EYA1: variants seen among roughly 807,000 people sequenced by gnomAD.
EYA1 encodes the protein protein phosphatase EYA1.
In EYA1, 16 loss-of-function variants were observed where a neutral mutation model predicts 82.0. The observed-to-expected ratio is 0.20, with a 90% CI of 0.13 to 0.30. EYA1 has a LOEUF of 0.30. EYA1 is among the 10% of genes least tolerant of loss of function. The pLI is 1.00. For synonymous variants in EYA1, 261 were observed against 264.4 expected, an observed-to-expected ratio of 0.99 and a Z score of 0.12; for missense variants, 633 against 730.7, an observed-to-expected ratio of 0.87 and a Z score of 1.54.
intron 7 of EYA1, among the ~76,000 whole-genome samples, chr8:71,303,315 TACACAC>T (rs58345968): frequency 2.3e-5 from 3 of 131,982 alleles, no homozygotes; most frequent in Admixed American, 1.5e-4. Context: ...ACATTTGATA[TACACAC>T]ACACACACAC....
At chr8:71,329,253 TA>T (rs1267410187) in intron 4 of EYA1, among the ~76,000 whole-genome samples, 1 of 152,212 alleles carries the variant, frequency 6.6e-6, no homozygotes, top group Non-Finnish European at 1.5e-5. Flanking sequence ...CTCACGGTAT[TA>T]GCCCCTACCT....
chr8:71,457,946 C>T (rs1808078094), intron 2 of EYA1, among the ~76,000 whole-genome samples: 1 of 152,116 alleles, frequency 6.6e-6, no homozygotes, highest in Non-Finnish European at 1.5e-5. Context: ...TTGAGTTTGA[C>T]TCACCTTACA....
chr8:71,199,926 C>A (rs1452180312), intron 17 of EYA1: 1 of 159,514 alleles, frequency 6.3e-6, no homozygotes, highest in African/African-American at 2.4e-5. Flanking sequence ...ATGGCTTTAC[C>A]ATATGGAAAA....
At chr8:71,299,744 CG>C (rs1563423820) in intron 7 of EYA1, 24 bp from the exon 8 acceptor site, 1 of 1,187,650 alleles carries the variant, frequency 8.4e-7, no homozygotes, top group Admixed American at 1.7e-5. Context: ...AAAAGAAATA[CG>C]ATTATACCAG....
intron 2 of EYA1, among the ~76,000 whole-genome samples, chr8:71,470,178 C>T (rs1809077649): frequency 6.6e-6 from 1 of 152,004 alleles, no homozygotes. Flanking sequence ...TGAGAGTCTT[C>T]CTGAAGATGG....
At chr8:71,403,594 T>C (rs1384771541) in intron 2 of EYA1, 3 of 152,150 alleles carry the variant, frequency 2.0e-5, no homozygotes, top group African/African-American at 4.8e-5. Context: ...ACTGCAAAAA[T>C]GGGATCTACT....
At chr8:71,276,330 T>A (rs973090052) in intron 9 of EYA1, among the ~76,000 whole-genome samples, 2 of 152,138 alleles carry the variant, frequency 1.3e-5, no homozygotes, top group Non-Finnish European at 2.9e-5. Flanking sequence ...TAGTGCTTGG[T>A]AATATTTGTA....
intron 2 of EYA1, among the ~76,000 whole-genome samples, chr8:71,451,721 T>C (rs911964238): frequency 3.3e-5 from 5 of 152,234 alleles, no homozygotes; most frequent in African/African-American, 4.8e-5. Context: ...TTCTGATTTA[T>C]GAAATTTTTA....
intron 2 of EYA1, among the ~76,000 whole-genome samples, chr8:71,469,932 C>T (rs1320748849): frequency 6.6e-6 from 1 of 152,018 alleles, no homozygotes; most frequent in Non-Finnish European, 1.5e-5. Flanking sequence ...AAGTGAGGGT[C>T]CCTGAATTGC....
chr8:71,507,734 C>T (rs550708190), intron 2 of EYA1, among the ~76,000 whole-genome samples: 6 of 152,228 alleles, frequency 3.9e-5, no homozygotes, highest in South Asian at 2.1e-4. Flanking sequence ...ATACAGCAAA[C>T]GCAAAAGCAA....
intron 2 of EYA1, among the ~76,000 whole-genome samples, chr8:71,378,456 A>G (rs1828503138): frequency 6.6e-6 from 1 of 152,194 alleles, no homozygotes; most frequent in Admixed American, 6.5e-5. Context: ...TGTAGAATAT[A>G]TAAACCAAAA....
At chr8:71,306,318 G>C (rs1407243616) in intron 7 of EYA1, among the ~76,000 whole-genome samples, 1 of 152,112 alleles carries the variant, frequency 6.6e-6, no homozygotes, top group Non-Finnish European at 1.5e-5. Context: ...GAAGTTTCTT[G>C]ATCATTTAAG....
chr8:71,250,695 C>T (rs986528344), intron 11 of EYA1, among the ~76,000 whole-genome samples: 13 of 152,198 alleles, frequency 8.5e-5, no homozygotes, highest in African/African-American at 1.4e-4. Flanking sequence ...TCTCTCTTTA[C>T]AGCCTTTAAA....
intron 2 of EYA1, among the ~76,000 whole-genome samples, chr8:71,429,477 C>T (rs185234389): frequency 8.2e-4 from 124 of 152,038 alleles, no homozygotes; most frequent in African/African-American, 2.4e-3. Context: ...TGGTAGGCAC[C>T]TTGATAATAA....
At chr8:71,315,414 CA>C in intron 7 of EYA1, among the ~76,000 whole-genome samples, 1 of 152,322 alleles carries the variant, frequency 6.6e-6, no homozygotes, top group Admixed American at 6.5e-5. Context: ...CTGCTCTGGG[CA>C]GGGCACTTCA....
Position 71,401,805 on chromosome 8 carries a change from T to TACC in EYA1, c.34-45297_34-45295dup, listed in dbSNP as rs1236997925. Among the ~76,000 whole-genome samples, 8 of 152,332 alleles carry TACC rather than the reference T, an allele frequency of 5.3e-5. No homozygotes were observed. In the East Asian group the frequency reaches 1.5e-3, roughly 29 times the overall value. ...TTGTTGTTCTTGTTACCACTACTAC[T>TACC]ACCACCACTTTCTGAATCATTTTTA... is the stretch of plus-strand genomic sequence containing the variant. On this transcript the variant is annotated intron_variant, in intron 2 of 18. Transcript: ENST00000643681.
chr8:71,296,457 AGAAATCAT>A (rs1479819795), intron 9 of EYA1, among the ~76,000 whole-genome samples: 10 of 150,994 alleles, frequency 6.6e-5, no homozygotes, highest in African/African-American at 2.5e-4. Context: ...ATGCAGGAAC[AGAAATCAT>A]GAAGCATGAG....
intron 2 of EYA1, among the ~76,000 whole-genome samples, chr8:71,445,019 C>G (rs1001262041): frequency 1.3e-5 from 2 of 152,216 alleles, no homozygotes; most frequent in African/African-American, 4.8e-5. Flanking sequence ...AAAAAACTCT[C>G]TGAGTTTTCA....
chr8:71,525,936 T>A (rs894782338), intron 2 of EYA1, among the ~76,000 whole-genome samples: 1 of 152,220 alleles, frequency 6.6e-6, no homozygotes, highest in African/African-American at 2.4e-5. Flanking sequence ...GCGAAAGGAC[T>A]GAGTGACAGA....
Sources: gnomAD v4.1 joint callset for allele counts (sites outside exome capture counted in the v4.1 genomes callset) on GRCh38, gnomAD v4.1.1 for gene constraint, MANE v1.5 for transcripts, NCBI Gene and HGNC (gene_info 2026-07-23, HGNC 2026-07-21) for gene names.